Variants in PTPRG observed in about 807,000 individuals in gnomAD.
PTPRG encodes receptor-type tyrosine-protein phosphatase gamma.
PTPRG carries 102 observed loss-of-function variants against 165.3 expected under a neutral mutation model. That is an observed-to-expected ratio of 0.62 (90% CI 0.53 to 0.73). The LOEUF is 0.73. Ranked by LOEUF, PTPRG falls within the 30% of genes least tolerant of loss-of-function variation. The pLI, the probability that PTPRG is intolerant of heterozygous loss-of-function variation, is 0.00. For missense variants in PTPRG, 1,866 were observed against 1,861.4 expected (o/e 1.00, Z -0.05); for synonymous variants, 675 against 669.5 (o/e 1.01, Z -0.13).
chr3:61,933,871 T>G (rs1020568276), intron 2 of PTPRG, among the ~76,000 whole-genome samples: 3 of 152,226 alleles, frequency 2.0e-5, no homozygotes, highest in African/African-American at 7.2e-5. Context: ...GTAGATCAGC[T>G]AGTTTGAAAA....
intron 1 of PTPRG, among the ~76,000 whole-genome samples, chr3:61,584,002 C>T (rs1486501022): frequency 6.6e-6 from 1 of 152,168 alleles, no homozygotes; most frequent in East Asian, 1.9e-4. Context: ...CCCCTGCCTG[C>T]CAAAAATAAT....
At chr3:61,976,965 C>G (rs542405715) in intron 2 of PTPRG, among the ~76,000 whole-genome samples, 1 of 151,956 alleles carries the variant, frequency 6.6e-6, no homozygotes, top group Admixed American at 6.6e-5. Flanking sequence ...TGTGAGCCAC[C>G]GCGCCCAGCT....
intron 6 of PTPRG, among the ~76,000 whole-genome samples, chr3:62,155,544 C>T (rs1039492495): frequency 1.1e-4 from 17 of 152,212 alleles, no homozygotes; most frequent in Non-Finnish European, 1.5e-5. Flanking sequence ...GCTCTTAGAA[C>T]AGGGCCTCTT....
intron 2 of PTPRG, among the ~76,000 whole-genome samples, chr3:61,760,614 A>T (rs779770699): frequency 6.6e-6 from 1 of 152,020 alleles, no homozygotes; most frequent in Non-Finnish European, 1.5e-5. Flanking sequence ...TTTACATTTT[A>T]TTTTAAGTTC....
At chr3:61,941,498 C>G (rs1207330809) in intron 2 of PTPRG, among the ~76,000 whole-genome samples, 1 of 152,194 alleles carries the variant, frequency 6.6e-6, no homozygotes, top group African/African-American at 2.4e-5. Context: ...CGGTGCATGC[C>G]TGTAGCCCCA....
chr3:61,742,697 G>C (rs2033042464), intron 1 of PTPRG: 3 of 1,606,252 alleles, frequency 1.9e-6, no homozygotes, highest in African/African-American at 2.7e-5. Flanking sequence ...TTGTGTGTGA[G>C]CAGGGAAGGG....
intron 1 of PTPRG, among the ~76,000 whole-genome samples, chr3:61,672,673 C>A (rs1282292646): frequency 6.9e-6 from 1 of 145,082 alleles, no homozygotes; most frequent in Non-Finnish European, 1.5e-5. Context: ...GCAGCAGTAC[C>A]GTCCAGCTTC....
At chr3:62,067,859 G>A (rs1256633769) in intron 4 of PTPRG, among the ~76,000 whole-genome samples, 1 of 152,170 alleles carries the variant, frequency 6.6e-6, no homozygotes, top group African/African-American at 2.4e-5. Flanking sequence ...CCCCCTCAAA[G>A]AGTGACAACC....
Position 61,836,813 on chromosome 3 carries a change from C to A in PTPRG, c.190+87831C>A, listed in dbSNP as rs148735261. ...AGGCTGGAGTGCAATGGCACAATCT[C>A]GGCTCACTGCAACCTCTGCCTCCCG... is the stretch of plus-strand genomic sequence containing the variant. On this transcript the variant is annotated intron_variant, in intron 2 of 29. Coordinates refer to ENST00000474889, the MANE Select transcript of PTPRG (RefSeq NM_002841.4). Among the ~76,000 whole-genome samples, 571 of 152,158 alleles carry A rather than the reference C, an allele frequency of 3.8e-3. 5 individuals carry two copies. Among genetic ancestry groups the A allele is most frequent in the African/African-American group, 0.013 (545 of 41,522 alleles).
chr3:61,987,934 A>G (rs1052321997), intron 2 of PTPRG, among the ~76,000 whole-genome samples: 8 of 152,190 alleles, frequency 5.3e-5, no homozygotes, highest in Non-Finnish European at 7.3e-5. Context: ...TGGCAAATGC[A>G]TACTATCCCT....
At chr3:61,656,653 G>C (rs1450921907) in intron 1 of PTPRG, among the ~76,000 whole-genome samples, 1 of 152,186 alleles carries the variant, frequency 6.6e-6, no homozygotes, top group Non-Finnish European at 1.5e-5. Context: ...CATTTGATGG[G>C]TCTGTTGGGA....
intron 11 of PTPRG, among the ~76,000 whole-genome samples, chr3:62,202,759 G>A (rs1700125192): frequency 6.6e-6 from 1 of 152,204 alleles, no homozygotes; most frequent in Non-Finnish European, 1.5e-5. Flanking sequence ...ATCTACTCAA[G>A]TGTCAGTGAT....
At chr3:62,080,244 T>TTTG (rs1228318270) in intron 5 of PTPRG, among the ~76,000 whole-genome samples, 1 of 151,416 alleles carries the variant, frequency 6.6e-6, no homozygotes, top group Non-Finnish European at 1.5e-5. Context: ...AATTTTTTTT[T>TTTG]TTTGTATTTT....
chr3:61,984,565 T>C (rs1298115945), intron 2 of PTPRG, among the ~76,000 whole-genome samples: 1 of 152,308 alleles, frequency 6.6e-6, no homozygotes, highest in East Asian at 1.9e-4. Flanking sequence ...ACACAACTTA[T>C]ATTTTACTTG....
intron 8 of PTPRG, among the ~76,000 whole-genome samples, chr3:62,173,906 G>A (rs1259347695): frequency 6.6e-6 from 1 of 152,202 alleles, no homozygotes. Context: ...TAAGAAAGAA[G>A]TGGGGGAAAA....
rs1471339887 is a variant in PTPRG, at chr3:61,700,923, A to T, written c.86-47955A>T. Among the ~76,000 whole-genome samples, 4 of 152,314 alleles carry T rather than the reference A, an allele frequency of 2.6e-5. No homozygotes were observed. The South Asian group carries it at 8.3e-4, about 32-fold the overall frequency. On this transcript the variant is annotated intron_variant, in intron 1 of 29. Coordinates refer to ENST00000474889, the MANE Select transcript of PTPRG (RefSeq NM_002841.4). ...AATGTGCATCCCTGTCATTAAAGCT[A>T]CACCTGTAAGCTTTGCCCCTATCCG... is the stretch of plus-strand genomic sequence containing the variant.
At chr3:61,692,844 G>A (rs908686832) in intron 1 of PTPRG, among the ~76,000 whole-genome samples, 1 of 152,188 alleles carries the variant, frequency 6.6e-6, no homozygotes, top group Non-Finnish European at 1.5e-5. Flanking sequence ...CAGGGGATAT[G>A]ATGGCTTAGC....
At chr3:62,010,442 T>C (rs1391541356) in intron 4 of PTPRG, among the ~76,000 whole-genome samples, 1 of 148,688 alleles carries the variant, frequency 6.7e-6, no homozygotes, top group Non-Finnish European at 1.5e-5. Context: ...GTTTATACTT[T>C]TCTCCTCTCA....
chr3:62,056,410 C>T (rs888120159), intron 4 of PTPRG, among the ~76,000 whole-genome samples: 3 of 152,114 alleles, frequency 2.0e-5, no homozygotes, highest in African/African-American at 7.2e-5. Context: ...TTCTTAATAC[C>T]TTATAAGATT....
Sources: allele counts gnomAD v4.1 joint callset (sites outside exome capture counted in the v4.1 genomes callset), GRCh38; gene constraint gnomAD v4.1.1; transcripts MANE v1.5; gene names NCBI Gene and HGNC (gene_info 2026-07-23, HGNC 2026-07-21).